Variants in DOCK2 observed in about 807,000 individuals in gnomAD.
DOCK2 encodes the protein dedicator of cytokinesis protein 2.
DOCK2 carries 87 observed loss-of-function variants against 248.9 expected under a neutral mutation model. That is an observed-to-expected ratio of 0.35 (90% CI 0.29 to 0.42). DOCK2 has a LOEUF of 0.42. DOCK2 is among the 10% of genes least tolerant of loss of function. DOCK2 has a pLI of 1.00. For synonymous variants in DOCK2, 805 were observed against 821.6 expected (o/e 0.98, Z 0.35); for missense variants, 1,747 against 2,300.2 (o/e 0.76, Z 4.92).
At position 169,669,338 on chromosome 5, in the gene DOCK2, C is replaced by T. The variant is rs377550558; in HGVS notation, c.168+10C>T. 49 of 1,613,928 alleles carry T rather than the reference C, an allele frequency of 3.0e-5. No homozygotes were observed. The African/African-American group carries it at 6.4e-4, about 21-fold the overall frequency. ...GCACAAAATGTTACAGGTAAGGTCACCTGGTTTTTATTTGTGTCAGTACTG... is the reference window on the plus strand; with the variant it reads ...GCACAAAATGTTACAGGTAAGGTCATCTGGTTTTTATTTGTGTCAGTACTG... On this transcript the variant is annotated intron_variant, in intron 3 of 51. Coordinates refer to ENST00000520908, the MANE Select transcript of DOCK2 (RefSeq NM_004946.3).
At chr5:170,010,455 G>T (rs1356495251) in intron 32 of DOCK2, among the ~76,000 whole-genome samples, 1 of 152,182 alleles carries the variant, frequency 6.6e-6, no homozygotes, top group Non-Finnish European at 1.5e-5. Flanking sequence ...TGGCCTCAGG[G>T]TCAGGAAGAT....
intron 23 of DOCK2, among the ~76,000 whole-genome samples, chr5:169,750,902 A>G (rs1403852883): frequency 6.6e-6 from 1 of 152,260 alleles, no homozygotes; most frequent in Non-Finnish European, 1.5e-5. Context: ...CAAATCCCAC[A>G]CAAGGACTCT....
intron 33 of DOCK2, among the ~76,000 whole-genome samples, chr5:170,022,460 G>T (rs1335157009): frequency 6.6e-6 from 1 of 151,898 alleles, no homozygotes; most frequent in Non-Finnish European, 1.5e-5. Context: ...TGATGGGTTT[G>T]ACTGATGACA....
chr5:170,042,504 C>G (rs1227023842), intron 38 of DOCK2, among the ~76,000 whole-genome samples: 1 of 152,232 alleles, frequency 6.6e-6, no homozygotes, highest in Non-Finnish European at 1.5e-5. Context: ...CTTCCCATGG[C>G]CCATGAGGCC....
At chr5:169,903,841 T>A (rs1008883326) in intron 27 of DOCK2, among the ~76,000 whole-genome samples, 1 of 151,998 alleles carries the variant, frequency 6.6e-6, no homozygotes, top group Non-Finnish European at 1.5e-5. Flanking sequence ...GGCTCATGCC[T>A]GTAATCCCAG....
chr5:170,012,335 G>A (rs962483097), intron 32 of DOCK2, among the ~76,000 whole-genome samples: 5 of 151,942 alleles, frequency 3.3e-5, no homozygotes, highest in African/African-American at 4.8e-5. Context: ...AATAACCAAC[G>A]ACCTACGTTT....
chr5:169,797,930 A>G (rs925202635), intron 25 of DOCK2, among the ~76,000 whole-genome samples: 1 of 152,214 alleles, frequency 6.6e-6, no homozygotes. Flanking sequence ...GGAGCCAGAC[A>G]TTTCTGAGAA....
intron 27 of DOCK2, chr5:169,934,840 G>T: frequency 2.5e-6 from 1 of 406,814 alleles, no homozygotes; most frequent in Non-Finnish European, 5.0e-6. Context: ...TCTGCAAATA[G>T]GTAAATAAAG....
At chr5:169,661,928 G>C (rs1163498901) in intron 2 of DOCK2, among the ~76,000 whole-genome samples, 2 of 152,194 alleles carry the variant, frequency 1.3e-5, no homozygotes, top group Non-Finnish European at 2.9e-5. Context: ...GAATATGAGA[G>C]TATAGACATA....
At chr5:170,039,817 T>TG in intron 36 of DOCK2, among the ~76,000 whole-genome samples, 1 of 152,194 alleles carries the variant, frequency 6.6e-6, no homozygotes, top group South Asian at 2.1e-4. Context: ...TGGGTCAGGG[T>TG]AGAATGCTGG....
At chr5:170,063,395 CACA>C (rs1757396229) in intron 44 of DOCK2, among the ~76,000 whole-genome samples, 2 of 152,272 alleles carry the variant, frequency 1.3e-5, no homozygotes, top group South Asian at 4.1e-4. Context: ...TAAATGGGTG[CACA>C]AACACTTCCA....
chr5:170,076,165 G>A, intron 47 of DOCK2, 81 bp downstream of exon 47: 1 of 1,542,084 alleles, frequency 6.5e-7, no homozygotes, highest in East Asian at 2.3e-5. Flanking sequence ...GAAGTTGGAG[G>A]GGATCCAGCA....
At chr5:170,034,841 A>T (rs1180289970) in intron 35 of DOCK2, among the ~76,000 whole-genome samples, 1 of 152,202 alleles carries the variant, frequency 6.6e-6, no homozygotes, top group Non-Finnish European at 1.5e-5. Flanking sequence ...AGACTGGCTA[A>T]GAGTATGAGC....
At chr5:169,659,711 C>G (rs1415034656) in intron 2 of DOCK2, among the ~76,000 whole-genome samples, 1 of 152,110 alleles carries the variant, frequency 6.6e-6, no homozygotes, top group Non-Finnish European at 1.5e-5. Context: ...GACTTCATTG[C>G]CCATATTATA....
chr5:169,909,764 A>G (rs527721630), intron 27 of DOCK2, among the ~76,000 whole-genome samples: 1 of 152,330 alleles, frequency 6.6e-6, no homozygotes, highest in South Asian at 2.1e-4. Context: ...ATAAAATACA[A>G]TCCAAGATGA....
At chr5:169,747,554 A>G in intron 23 of DOCK2, 50 bp downstream of exon 23, 1 of 1,471,444 alleles carries the variant, frequency 6.8e-7, no homozygotes, top group South Asian at 1.2e-5. Flanking sequence ...CATCCAGTAA[A>G]TAACAGCATG....
chr5:169,861,699 T>C (rs909106297), intron 27 of DOCK2, among the ~76,000 whole-genome samples: 4 of 152,186 alleles, frequency 2.6e-5, no homozygotes, highest in Non-Finnish European at 5.9e-5. Flanking sequence ...GGTATATGTG[T>C]GTGTGGTGTT....
intron 29 of DOCK2, among the ~76,000 whole-genome samples, chr5:169,988,658 A>G (rs1778131346): frequency 6.6e-6 from 1 of 152,118 alleles, no homozygotes; most frequent in Non-Finnish European, 1.5e-5. Flanking sequence ...GATTACAGGC[A>G]TGCACCACTA....
Position 169,866,988 on chromosome 5 carries a change from C to T in DOCK2, c.2799+26136C>T, listed in dbSNP as rs576501806. ...CAAGACTTCCCCCCACTTACAAGTC[C>T]GGGACCTTGGAACTTCTGACTGACT... is the stretch of plus-strand genomic sequence containing the variant. On this transcript the variant is annotated intron_variant, in intron 27 of 51. Coordinates refer to ENST00000520908, the MANE Select transcript of DOCK2 (RefSeq NM_004946.3). Among the ~76,000 whole-genome samples the T allele has an allele frequency of 1.4e-4, 21 of 152,310 alleles. No homozygotes were observed. In the East Asian group the frequency reaches 3.3e-3, roughly 24 times the overall value.
Sources: allele counts gnomAD v4.1 joint callset (sites outside exome capture counted in the v4.1 genomes callset), GRCh38; gene constraint gnomAD v4.1.1; transcripts MANE v1.5; gene names NCBI Gene and HGNC (gene_info 2026-07-23, HGNC 2026-07-21).